Variants in ADAMTS18 observed in about 807,000 individuals in gnomAD.
ADAMTS18 encodes the protein A disintegrin and metalloproteinase with thrombospondin motifs 18.
Under a neutral mutation model 165.9 loss-of-function variants are expected in ADAMTS18, and 157 were observed. The ratio of observed to expected loss-of-function variants is 0.95; its 90% CI spans 0.83 to 1.08. The LOEUF is 1.08. Ranked by LOEUF, ADAMTS18 falls within the 50% of genes least tolerant of loss-of-function variation. The pLI is 0.00. For missense variants in ADAMTS18, 2,040 were observed against 1,534.0 expected (o/e 1.33, Z -5.51); for synonymous variants, 782 against 578.2 (o/e 1.35, Z -5.06).
At chr16:77,311,776 G>A (rs2055785703) in intron 16 of ADAMTS18, among the ~76,000 whole-genome samples, 2 of 150,760 alleles carry the variant, frequency 1.3e-5, no homozygotes, top group Admixed American at 6.7e-5. Context: ...TACAAGCAAG[G>A]CACGTCCAAT....
chr16:77,290,155 T>C (rs1301778639), intron 21 of ADAMTS18, among the ~76,000 whole-genome samples: 1 of 152,228 alleles, frequency 6.6e-6, no homozygotes, highest in Non-Finnish European at 1.5e-5. Context: ...GGGCAAGTCT[T>C]GTTATCAAAT....
intron 3 of ADAMTS18, among the ~76,000 whole-genome samples, chr16:77,398,174 G>C: frequency 6.6e-6 from 1 of 152,068 alleles, no homozygotes. Context: ...AAAATTAGCC[G>C]GATGTGGTGA....
chr16:77,353,999 A>C, intron 9 of ADAMTS18, 113 bp from the exon 10 acceptor site: 1 of 1,293,410 alleles, frequency 7.7e-7, no homozygotes, highest in South Asian at 1.2e-5. Context: ...TGGTTCTAGA[A>C]ACAGGTATAT....
At chr16:77,364,495 A>T in intron 4 of ADAMTS18, 114 bp from the exon 5 acceptor site, 1 of 1,127,688 alleles carries the variant, frequency 8.9e-7, no homozygotes, top group Non-Finnish European at 1.3e-6. Flanking sequence ...ACACACCACC[A>T]ATCCACTAAC....
intron 3 of ADAMTS18, among the ~76,000 whole-genome samples, chr16:77,414,352 C>T (rs1397456965): frequency 6.6e-6 from 1 of 152,140 alleles, no homozygotes; most frequent in Non-Finnish European, 1.5e-5. Flanking sequence ...AAATGTGGCT[C>T]GTCTGAACTG....
intron 19 of ADAMTS18, 139 bp from the exon 20 acceptor site, chr16:77,293,397 C>T: frequency 1.4e-6 from 1 of 727,142 alleles, no homozygotes; most frequent in Non-Finnish European, 2.3e-6. Context: ...ACGAGATCTA[C>T]TTAACCACCC....
rs2055168593 is a variant in ADAMTS18 at position 77,282,681 on chromosome 16, C to G, written c.*1275G>C. 3 of 152,546 alleles carry G rather than the reference C, an allele frequency of 2.0e-5. No homozygotes were observed. In the South Asian group the frequency reaches 6.2e-4, roughly 32 times the overall value. The allele number at this position is 152,546 out of a possible 1,614,324, so 9.4% of individuals were successfully genotyped here. On this transcript the variant is annotated 3_prime_UTR_variant, in exon 23 of 23. Coordinates refer to ENST00000282849, the MANE Select transcript of ADAMTS18 (RefSeq NM_199355.4). ...TTTATAACCACTTCTCAAAAAATTA[C>G]AGGAGGACACAGTATTATAATTACT...
intron 2 of ADAMTS18, chr16:77,432,390 C>T (rs1284595685): frequency 3.3e-5 from 5 of 152,190 alleles, no homozygotes; most frequent in African/African-American, 4.8e-5. Context: ...CAGGGGACAC[C>T]TGGAAAGGCA....
intron 3 of ADAMTS18, among the ~76,000 whole-genome samples, chr16:77,422,624 G>A (rs2057618322): frequency 6.6e-6 from 1 of 151,582 alleles, no homozygotes; most frequent in African/African-American, 2.4e-5. Flanking sequence ...AAAAAAGGAG[G>A]AAGAAGGGAA....
chr16:77,326,489 C>G (rs1413617805), intron 12 of ADAMTS18, among the ~76,000 whole-genome samples: 2 of 152,136 alleles, frequency 1.3e-5, no homozygotes, highest in Non-Finnish European at 2.9e-5. Context: ...CTCAGGTTAG[C>G]CTCCTACCTC....
rs765890455 is a variant in ADAMTS18 at position 77,335,896 on chromosome 16, C to A, written c.1719G>T (p.Arg573=). ...CCCCAAACTTTACGCACTGGCCTTG[C>A]CGACACCACTGTGAAAAGAACGTGT... The part of the protein sequence containing the change: ...GTVCGLSMWC[R]QGQCVKFGEL... The change falls in exon 12 of 23, where the codon CGG becomes CGT. Residue 573 remains arginine (R), a synonymous_variant. Transcript: ENST00000282849. 1 of 1,614,168 alleles carries A rather than the reference C, an allele frequency of 6.2e-7. No homozygotes were observed. Among genetic ancestry groups the A allele is most frequent in the South Asian group, 1.1e-5 (1 of 91,086 alleles).
At position 77,334,601 on chromosome 16, in the gene ADAMTS18, ATAC is replaced by A. The variant is rs1319317991; in HGVS notation, c.1859+1152_1859+1154del. ...ATATATTATAGTATATAGTATATAT[ATAC>A]TACTATAGTATATAGTATATATACT... On this transcript the variant is annotated intron_variant, in intron 12 of 22. Coordinates refer to ENST00000282849, the MANE Select transcript of ADAMTS18 (RefSeq NM_199355.4). Among the ~76,000 whole-genome samples, 6 of 112,296 alleles carry A rather than the reference ATAC, an allele frequency of 5.3e-5. No individual in the cohort carries two copies. The South Asian group carries it at 1.5e-3, about 28-fold the overall frequency. 73.7% of individuals were successfully genotyped at this position (112,296 alleles called of 152,430 possible).
chr16:77,350,985 T>C (rs1390781523), intron 10 of ADAMTS18, among the ~76,000 whole-genome samples: 1 of 151,872 alleles, frequency 6.6e-6, no homozygotes, highest in African/African-American at 2.4e-5. Context: ...AATGGGACAA[T>C]AAAAGCCCTG....
At chr16:77,330,345 T>G (rs2056167305) in intron 12 of ADAMTS18, among the ~76,000 whole-genome samples, 2 of 152,174 alleles carry the variant, frequency 1.3e-5, no homozygotes. Context: ...GGATCCCTTA[T>G]GGGGTGATAG....
At chr16:77,388,968 T>C (rs1015064410) in intron 3 of ADAMTS18, among the ~76,000 whole-genome samples, 3 of 152,088 alleles carry the variant, frequency 2.0e-5, no homozygotes, top group Non-Finnish European at 4.4e-5. Context: ...GAAGAAGTCA[T>C]TAGGTGGAGA....
At chr16:77,355,611 TGA>T (rs2056617837) in intron 9 of ADAMTS18, among the ~76,000 whole-genome samples, 1 of 152,118 alleles carries the variant, frequency 6.6e-6, no homozygotes, top group African/African-American at 2.4e-5. Context: ...GATCTAAGTG[TGA>T]GTCTTCTGTC....
intron 3 of ADAMTS18, among the ~76,000 whole-genome samples, chr16:77,404,755 A>G (rs1009944088): frequency 6.6e-6 from 1 of 152,122 alleles, no homozygotes; most frequent in African/African-American, 2.4e-5. Context: ...GACTGATTCT[A>G]TGCTAGGCTC....
chr16:77,309,709 C>G (rs1368628105), intron 16 of ADAMTS18, among the ~76,000 whole-genome samples: 1 of 152,140 alleles, frequency 6.6e-6, no homozygotes, highest in African/African-American at 2.4e-5. Flanking sequence ...GGTTAACTGA[C>G]AGCAGTCAAT....
At chr16:77,323,773 G>A (rs571754934) in intron 13 of ADAMTS18, among the ~76,000 whole-genome samples, 1 of 152,168 alleles carries the variant, frequency 6.6e-6, no homozygotes, top group Non-Finnish European at 1.5e-5. Flanking sequence ...GAGACAAGGA[G>A]AGACTAGAAA....
Sources: gnomAD v4.1 joint callset for allele counts (sites outside exome capture counted in the v4.1 genomes callset) on GRCh38, gnomAD v4.1.1 for gene constraint, MANE v1.5 for transcripts, NCBI Gene and HGNC (gene_info 2026-07-23, HGNC 2026-07-21) for gene names.